The following MBTPS2 variants were observed in gnomAD, a reference collection of about 807,000 sequenced individuals.
MBTPS2 encodes membrane bound transcription factor peptidase, site 2, also known as membrane-bound transcription factor site-2 protease.
MBTPS2 carries 2 observed loss-of-function variants against 35.4 expected under a neutral mutation model. That is an observed-to-expected ratio of 0.06 (90% CI 0.02 to 0.18). The LOEUF (loss-of-function observed/expected upper bound fraction) is 0.18. MBTPS2 is among the 10% of genes least tolerant of loss of function. The pLI is 1.00. For missense variants in MBTPS2, 244 were observed against 386.5 expected (o/e 0.63, Z 3.09); for synonymous variants, 125 against 140.4 (o/e 0.89, Z 0.77).
chrX:21,840,085 C>A (rs1455384134), intron 1 of MBTPS2, among the ~76,000 whole-genome samples: 1 of 112,159 alleles, frequency 8.9e-6, no homozygotes, highest in Non-Finnish European at 1.9e-5. Flanking sequence ...TCGGGAGGGC[C>A]GGGGCCCTGC....
chrX:21,876,620 C>T (rs753251944), intron 7 of MBTPS2, among the ~76,000 whole-genome samples: 1 of 109,529 alleles, frequency 9.1e-6, no homozygotes, highest in Non-Finnish European at 1.9e-5. Context: ...CAGCCAATCA[C>T]CAGTTAGTTT....
intron 7 of MBTPS2, among the ~76,000 whole-genome samples, chrX:21,874,947 A>C (rs1034547811): frequency 9.7e-5 from 11 of 112,903 alleles, no homozygotes; most frequent in Non-Finnish European, 1.9e-4. Context: ...TATGTGACCC[A>C]GTAGAAAAGA....
intron 5 of MBTPS2, among the ~76,000 whole-genome samples, chrX:21,863,321 G>A (rs2092935529): frequency 9.5e-6 from 1 of 105,683 alleles, no homozygotes; most frequent in South Asian, 4.2e-4. Context: ...AAACTGTCTT[G>A]AAAAAGTTAT....
intron 3 of MBTPS2, among the ~76,000 whole-genome samples, chrX:21,849,894 C>T (rs2092912834): frequency 9.4e-6 from 1 of 106,569 alleles, no homozygotes; most frequent in Non-Finnish European, 1.9e-5. Context: ...GGCGTGGTGG[C>T]GGGCGCCTGT....
chrX:21,874,821 G>A (rs1470619489), intron 7 of MBTPS2, among the ~76,000 whole-genome samples: 1 of 112,206 alleles, frequency 8.9e-6, no homozygotes. Context: ...AAGTAGAATT[G>A]TATTGGCCTC....
chrX:21,853,274 C>A, intron 4 of MBTPS2, 102 bp from the exon 5 acceptor site: 1 of 613,562 alleles, frequency 1.6e-6, no homozygotes, highest in East Asian at 3.9e-5. Flanking sequence ...GTTTTTTAAG[C>A]AAGAATTCAA....
At position 21,850,729 on chromosome X, in the gene MBTPS2, T is replaced by C. The variant is rs772496001; in HGVS notation, c.439-780T>C. Among the ~76,000 whole-genome samples, 6 of 111,999 alleles carry C rather than the reference T, an allele frequency of 5.4e-5. No homozygotes were observed. The South Asian group carries it at 2.2e-3, about 42-fold the overall frequency. Reference sequence around the variant, plus strand: ...TTTGCTGTGCAGCTCTTATCTTCCCTTGTGTATGCAATAATATATACCTGC... The same window carrying C: ...TTTGCTGTGCAGCTCTTATCTTCCCCTGTGTATGCAATAATATATACCTGC... On this transcript the variant is annotated intron_variant, in intron 3 of 10. Transcript: ENST00000379484.
chrX:21,864,212 TTTTTGTTTTG>T (rs1159793670), intron 5 of MBTPS2, among the ~76,000 whole-genome samples: 1 of 112,407 alleles, frequency 8.9e-6, no homozygotes, highest in African/African-American at 3.2e-5. Context: ...TAAATCTAGT[TTTTTGTTTTG>T]TTTTGTTTTG....
At chrX:21,862,605 G>A (rs967736370) in intron 5 of MBTPS2, among the ~76,000 whole-genome samples, 1 of 106,338 alleles carries the variant, frequency 9.4e-6, no homozygotes, top group East Asian at 3.1e-4. Flanking sequence ...GTCAGGAGAT[G>A]GAGACCATCC....
At chrX:21,864,814 C>A (rs1457779247) in intron 5 of MBTPS2, among the ~76,000 whole-genome samples, 7 of 109,926 alleles carry the variant, frequency 6.4e-5, no homozygotes, top group Non-Finnish European at 1.3e-4. Flanking sequence ...AGAGTGAGAA[C>A]TCTGTTTCAA....
Position 21,883,720 on chromosome X carries a change from G to A in MBTPS2, c.*1065G>A, listed in dbSNP as rs186454919. ...TCCTTGTTTTCTGTCTCTCTCCTAA[G>A]CTACCTCTCTGGGTCCACAGAAGAC... On this transcript the variant is annotated 3_prime_UTR_variant, in exon 11 of 11. Transcript: ENST00000379484. 20 of 751,652 alleles carry A rather than the reference G, an allele frequency of 2.7e-5. No individual in the cohort carries two copies. In the South Asian group the frequency reaches 2.7e-4, roughly 10 times the overall value. The allele number at this position is 751,652 out of a possible 1,213,427, so 61.9% of individuals were successfully genotyped here.
At position 21,883,988 on chromosome X, in the gene MBTPS2, G is replaced by A. The variant is rs998153949; in HGVS notation, c.*1333G>A. The A allele has an allele frequency of 6.8e-5, 51 of 751,073 alleles. No homozygotes were observed. Among genetic ancestry groups the A allele is most frequent in the Non-Finnish European group, 7.7e-5 (49 of 638,117 alleles). The allele number at this position is 751,073 out of a possible 1,213,427, so 61.9% of individuals were successfully genotyped here. A position where few individuals can be genotyped will look rare whatever the true frequency, so the allele number is the denominator to read the frequency against. ...TCTTGTATACTCAGAAGTGACTAAG[G>A]GCAATAACTCATTAATAGCCATCTA... On this transcript the variant is annotated 3_prime_UTR_variant, in exon 11 of 11. Transcript: ENST00000379484.
intron 5 of MBTPS2, among the ~76,000 whole-genome samples, chrX:21,860,091 C>CA (rs536679485): frequency 0.091 from 5,686 of 62,522 alleles, 216 homozygotes; most frequent in African/African-American, 0.2. Context: ...GACCTTGTGT[C>CA]AAAAAAAAAA....
chrX:21,854,982 TAA>T (rs1290051603), intron 5 of MBTPS2, among the ~76,000 whole-genome samples: 1 of 112,337 alleles, frequency 8.9e-6, no homozygotes, highest in Non-Finnish European at 1.9e-5. Flanking sequence ...AGATAATGTT[TAA>T]AGTTTTGCTA....
In MBTPS2 at chrX:21,883,013, A is replaced by G. The variant is rs2092960998; in HGVS notation, c.*358A>G. On this transcript the variant is annotated 3_prime_UTR_variant, in exon 11 of 11. Transcript: ENST00000379484. ...GAACTGGGTGGAATTAATTGGGAAA[A>G]ACTTCTTACAAAAGCATCATTAATC... 1.2e-6 allele frequency: 1 copy of G among 833,242 alleles called. No homozygotes were observed. The highest frequency in any genetic ancestry group is 2.1e-5 in the African/African-American group (1 of 47,715). The allele number at this position is 833,242 out of a possible 1,213,427, so 68.7% of individuals were successfully genotyped here. A position where few individuals can be genotyped will look rare whatever the true frequency, so the allele number is the denominator to read the frequency against.
intron 5 of MBTPS2, among the ~76,000 whole-genome samples, chrX:21,862,189 G>A (rs1193137501): frequency 9.1e-6 from 1 of 110,396 alleles, no homozygotes; most frequent in Admixed American, 9.8e-5. Flanking sequence ...CGCCCCATAA[G>A]GAAAACTGCA....
chrX:21,857,253 T>G (rs2092924391), intron 5 of MBTPS2: 2 of 1,210,021 alleles, frequency 1.7e-6, no homozygotes, highest in Non-Finnish European at 2.2e-6. Context: ...AGTCCCTTGC[T>G]CTTATAGCGG....
intron 5 of MBTPS2, among the ~76,000 whole-genome samples, chrX:21,854,752 A>T (rs1394129334): frequency 8.9e-6 from 1 of 112,224 alleles, no homozygotes; most frequent in East Asian, 2.8e-4. Flanking sequence ...GCTAAGGTAA[A>T]AATAGGTATG....
At chrX:21,862,567 T>C (rs1035288577) in intron 5 of MBTPS2, among the ~76,000 whole-genome samples, 15 of 108,764 alleles carry the variant, frequency 1.4e-4, no homozygotes, top group Non-Finnish European at 1.9e-4. Flanking sequence ...CCCAGCACTT[T>C]GGGAGGCCGA....
Sources: gnomAD v4.1 joint callset for allele counts (sites outside exome capture counted in the v4.1 genomes callset) on GRCh38, gnomAD v4.1.1 for gene constraint, MANE v1.5 for transcripts, NCBI Gene and HGNC (gene_info 2026-07-23, HGNC 2026-07-21) for gene names.